The following CACNA2D3 variants were observed in gnomAD, a reference collection of about 807,000 sequenced individuals.
The protein encoded by CACNA2D3 is calcium voltage-gated channel auxiliary subunit alpha2delta 3.
Under a neutral mutation model 160.6 loss-of-function variants are expected in CACNA2D3, and 60 were observed. That is an observed-to-expected ratio of 0.37 (90% CI 0.30 to 0.46). The LOEUF (loss-of-function observed/expected upper bound fraction) is 0.46, where lower values mean the gene tolerates loss of function less well. CACNA2D3 is among the 20% of genes least tolerant of loss of function. The probability of loss-of-function intolerance (pLI) is 1.00; values close to 1 mark genes in which losing one functional copy is unlikely to be tolerated. For missense variants in CACNA2D3, 1,205 were observed against 1,365.0 expected, an observed-to-expected ratio of 0.88 and a Z score of 1.85; for synonymous variants, 558 against 492.9, an observed-to-expected ratio of 1.13 and a Z score of -1.75.
intron 2 of CACNA2D3, among the ~76,000 whole-genome samples, chr3:54,197,679 C>CT (rs1701106234): frequency 6.6e-6 from 1 of 152,144 alleles, no homozygotes; most frequent in Non-Finnish European, 1.5e-5. Context: ...AACTTGGCAC[C>CT]TTTTGGGAAC....
intron 14 of CACNA2D3, among the ~76,000 whole-genome samples, chr3:54,831,632 T>C (rs1703879987): frequency 6.6e-6 from 1 of 152,210 alleles, no homozygotes; most frequent in African/African-American, 2.4e-5. Flanking sequence ...TTGGGTACTT[T>C]GCAGGTACCT....
chr3:55,052,821 A>G (rs1704259989), intron 35 of CACNA2D3, among the ~76,000 whole-genome samples: 1 of 152,078 alleles, frequency 6.6e-6, no homozygotes, highest in African/African-American at 2.4e-5. Flanking sequence ...CATTGTGACT[A>G]ACATTTTCGT....
chr3:54,951,285 C>G (rs750874034), intron 27 of CACNA2D3, among the ~76,000 whole-genome samples: 6 of 152,210 alleles, frequency 3.9e-5, no homozygotes, highest in Middle Eastern at 3.2e-3. Context: ...CTGCCAGATA[C>G]CTCTGTAATA....
At chr3:54,500,799 C>G (rs1471520535) in intron 4 of CACNA2D3, among the ~76,000 whole-genome samples, 1 of 152,182 alleles carries the variant, frequency 6.6e-6, no homozygotes, top group Admixed American at 6.6e-5. Context: ...TAACCTTACA[C>G]TACTTCATCT....
At chr3:54,847,272 G>T (rs1285108126) in intron 17 of CACNA2D3, among the ~76,000 whole-genome samples, 2 of 152,212 alleles carry the variant, frequency 1.3e-5, no homozygotes, top group African/African-American at 4.8e-5. Flanking sequence ...TTTTAAAGAA[G>T]ATATAGAATT....
At position 54,220,123 on chromosome 3, in the gene CACNA2D3, G is replaced by A. The variant is rs149039338; in HGVS notation, c.204+96529G>A. On this transcript the variant is annotated intron_variant, in intron 2 of 37. Coordinates refer to ENST00000474759, the MANE Select transcript of CACNA2D3 (RefSeq NM_018398.3). ...GACTGCTTAAAATATGAAAAAAATT[G>A]TAGTTTTTTCCTTTTATGTCAATAA... 8.4e-4 allele frequency among the ~76,000 whole-genome samples: 127 copies of A among 152,026 alleles called. 1 individual carries two copies. The highest frequency in any genetic ancestry group is 1.6e-3 in the Non-Finnish European group (111 of 67,978).
intron 11 of CACNA2D3, among the ~76,000 whole-genome samples, chr3:54,677,013 A>G (rs1700255355): frequency 6.6e-6 from 1 of 152,196 alleles, no homozygotes; most frequent in Non-Finnish European, 1.5e-5. Flanking sequence ...TTTAAACTCA[A>G]ATGATGTGTG....
At chr3:54,499,606 G>C (rs1303450267) in intron 4 of CACNA2D3, among the ~76,000 whole-genome samples, 1 of 151,922 alleles carries the variant, frequency 6.6e-6, no homozygotes, top group East Asian at 1.9e-4. Context: ...GATAGGCTGT[G>C]TTTTCATTTT....
intron 5 of CACNA2D3, among the ~76,000 whole-genome samples, chr3:54,524,729 T>C (rs1701698186): frequency 6.6e-6 from 1 of 152,138 alleles, no homozygotes; most frequent in Non-Finnish European, 1.5e-5. Flanking sequence ...CTTTTATCAT[T>C]ATAAAATATT....
intron 29 of CACNA2D3, among the ~76,000 whole-genome samples, chr3:54,971,342 C>T (rs1702273124): frequency 6.6e-6 from 1 of 152,178 alleles, no homozygotes; most frequent in African/African-American, 2.4e-5. Context: ...TCAAGAACAA[C>T]ACAACTCAAT....
In CACNA2D3 at chr3:54,517,060, C is replaced by G. The variant is rs1575499111; in HGVS notation, c.544+13406C>G. ...TTCACAAACCACTTTATAGTAGTCC[C>G]TTCTAAGGATCACACGGATTTGGGT... On this transcript the variant is annotated intron_variant, in intron 5 of 37. Transcript: ENST00000474759. 2.6e-5 allele frequency among the ~76,000 whole-genome samples: 4 copies of G among 152,182 alleles called. 1 individual carries two copies. In the South Asian group the frequency reaches 8.3e-4, roughly 32 times the overall value.
chr3:54,251,004 G>A (rs1006497707), intron 2 of CACNA2D3, among the ~76,000 whole-genome samples: 5 of 152,152 alleles, frequency 3.3e-5, no homozygotes, highest in African/African-American at 1.2e-4. Context: ...GAGAAACAGC[G>A]GGTGCAAAAG....
intron 2 of CACNA2D3, among the ~76,000 whole-genome samples, chr3:54,160,703 C>T (rs1700329042): frequency 1.3e-5 from 2 of 152,152 alleles, no homozygotes. Context: ...TCTCCAATTT[C>T]TTTCAGAAGT....
chr3:54,695,036 A>T (rs1700639272), intron 11 of CACNA2D3, among the ~76,000 whole-genome samples: 1 of 151,422 alleles, frequency 6.6e-6, no homozygotes, highest in Admixed American at 6.6e-5. Context: ...TTTTTTTTTG[A>T]GATGGAGTTT....
chr3:54,621,245 T>G (rs1446736069), intron 9 of CACNA2D3, among the ~76,000 whole-genome samples: 3 of 152,214 alleles, frequency 2.0e-5, no homozygotes, highest in Admixed American at 6.5e-5. Flanking sequence ...AAAACATGAT[T>G]GCTGTGATCA....
chr3:54,653,492 A>C (rs1699815367), intron 11 of CACNA2D3, among the ~76,000 whole-genome samples: 1 of 152,164 alleles, frequency 6.6e-6, no homozygotes. Context: ...AGGAACACTC[A>C]TTTCTCATGG....
chr3:54,841,012 G>A (rs1025308435), intron 16 of CACNA2D3, among the ~76,000 whole-genome samples: 1 of 151,950 alleles, frequency 6.6e-6, no homozygotes, highest in Non-Finnish European at 1.5e-5. Context: ...ATGAGCCACC[G>A]TGCCGGGCCC....
intron 2 of CACNA2D3, among the ~76,000 whole-genome samples, chr3:54,150,049 CACAT>C (rs564741767): frequency 1.3e-5 from 2 of 149,554 alleles, no homozygotes; most frequent in South Asian, 2.2e-4. Flanking sequence ...CATATGGAAA[CACAT>C]ACAAGCACAC....
chr3:54,187,191 C>G (rs997776532), intron 2 of CACNA2D3, among the ~76,000 whole-genome samples: 6 of 152,188 alleles, frequency 3.9e-5, no homozygotes, highest in Admixed American at 3.9e-4. Flanking sequence ...CACTTGACAT[C>G]TTGGCCTTCA....
Sources: allele counts gnomAD v4.1 joint callset (sites outside exome capture counted in the v4.1 genomes callset), GRCh38; gene constraint gnomAD v4.1.1; transcripts MANE v1.5; gene names NCBI Gene and HGNC (gene_info 2026-07-23, HGNC 2026-07-21).